MDGA2: variants seen among roughly 807,000 people sequenced by gnomAD.
MDGA2 encodes MAM domain containing glycosylphosphatidylinositol anchor 2, also known as MAM domain-containing glycosylphosphatidylinositol anchor protein 2.
MDGA2 carries 40 observed loss-of-function variants against 117.8 expected under a neutral mutation model. The observed-to-expected ratio is 0.34, with a 90% confidence interval of 0.26 to 0.44. The LOEUF (loss-of-function observed/expected upper bound fraction) is 0.44. MDGA2 is among the 20% of genes least tolerant of loss of function. The pLI is 1.00. For missense variants in MDGA2, 1,123 were observed against 1,250.6 expected (o/e 0.90, Z 1.54); for synonymous variants, 452 against 439.0 (o/e 1.03, Z -0.37).
chr14:47,166,143 C>T (rs1883865463), intron 3 of MDGA2, among the ~76,000 whole-genome samples: 2 of 149,860 alleles, frequency 1.3e-5, no homozygotes, highest in African/African-American at 4.9e-5. Context: ...TCAAACGATT[C>T]TCCTGCCTCA....
At chr14:47,599,794 C>G (rs1024665012) in intron 1 of MDGA2, among the ~76,000 whole-genome samples, 1 of 152,176 alleles carries the variant, frequency 6.6e-6, no homozygotes, top group Non-Finnish European at 1.5e-5. Flanking sequence ...GGCTCGGAAT[C>G]AAGTCTACTG....
chr14:46,955,397 T>TTAAAATACG (rs1003252594), intron 9 of MDGA2, among the ~76,000 whole-genome samples: 5 of 152,066 alleles, frequency 3.3e-5, no homozygotes, highest in Non-Finnish European at 7.4e-5. Context: ...GACTTCACCA[T>TTAAAATACG]TAAAATACGA....
intron 5 of MDGA2, among the ~76,000 whole-genome samples, chr14:47,110,971 T>A (rs1881003791): frequency 6.6e-6 from 1 of 152,044 alleles, no homozygotes; most frequent in Non-Finnish European, 1.5e-5. Context: ...AAATCCTAAT[T>A]CAACATATAT....
intron 2 of MDGA2, among the ~76,000 whole-genome samples, chr14:47,252,483 T>A (rs1352851414): frequency 3.3e-5 from 5 of 152,158 alleles, no homozygotes; most frequent in Admixed American, 2.0e-4. Context: ...CCATTTTTCA[T>A]AATCTAGTAA....
At chr14:47,612,090 G>A (rs1049269454) in intron 1 of MDGA2, among the ~76,000 whole-genome samples, 7 of 152,066 alleles carry the variant, frequency 4.6e-5, no homozygotes, top group Admixed American at 2.0e-4. Flanking sequence ...GCAATACTTC[G>A]CAAGTTTCCA....
At chr14:47,450,836 T>C (rs1413520137) in intron 1 of MDGA2, among the ~76,000 whole-genome samples, 3 of 152,154 alleles carry the variant, frequency 2.0e-5, no homozygotes, top group Non-Finnish European at 2.9e-5. Flanking sequence ...TAAAGGTTAA[T>C]GAATAGAGAA....
At chr14:47,019,965 T>A in intron 8 of MDGA2, among the ~76,000 whole-genome samples, 1 of 152,310 alleles carries the variant, frequency 6.6e-6, no homozygotes, top group South Asian at 2.1e-4. Flanking sequence ...CATTTATATT[T>A]GTATTAGGTT....
chr14:47,349,473 T>C (rs1365051091), intron 1 of MDGA2, among the ~76,000 whole-genome samples: 1 of 152,218 alleles, frequency 6.6e-6, no homozygotes, highest in African/African-American at 2.4e-5. Context: ...TATCTTCAAA[T>C]GCAAATTAGT....
At chr14:47,667,803 C>T (rs1170316601) in intron 1 of MDGA2, among the ~76,000 whole-genome samples, 3 of 152,128 alleles carry the variant, frequency 2.0e-5, no homozygotes, top group African/African-American at 7.2e-5. Context: ...CCACCATTCA[C>T]ATTACAACAA....
At chr14:47,454,941 A>T (rs572939745) in intron 1 of MDGA2, among the ~76,000 whole-genome samples, 1 of 152,360 alleles carries the variant, frequency 6.6e-6, no homozygotes, top group East Asian at 1.9e-4. Flanking sequence ...TCACAAATGA[A>T]CACTAATAAC....
At chr14:47,446,635 G>C (rs1893128525) in intron 1 of MDGA2, among the ~76,000 whole-genome samples, 1 of 152,016 alleles carries the variant, frequency 6.6e-6, no homozygotes, top group Non-Finnish European at 1.5e-5. Flanking sequence ...TTGCAAGACT[G>C]AAGTTTACAT....
chr14:47,665,239 T>C (rs1271529741), intron 1 of MDGA2, among the ~76,000 whole-genome samples: 3 of 152,190 alleles, frequency 2.0e-5, no homozygotes, highest in Non-Finnish European at 2.9e-5. Flanking sequence ...CAATAGGAAA[T>C]GTAATTCCTC....
intron 8 of MDGA2, among the ~76,000 whole-genome samples, chr14:47,025,678 C>T (rs895273625): frequency 9.5e-5 from 14 of 147,138 alleles, no homozygotes; most frequent in African/African-American, 3.3e-4. Flanking sequence ...AAACACCATA[C>T]AATAAACAAG....
chr14:47,256,285 G>A (rs1887616477), intron 2 of MDGA2, among the ~76,000 whole-genome samples: 1 of 151,896 alleles, frequency 6.6e-6, no homozygotes, highest in Non-Finnish European at 1.5e-5. Context: ...TTACATCATA[G>A]GAGTATCAAT....
intron 3 of MDGA2, among the ~76,000 whole-genome samples, chr14:47,214,958 C>T (rs895943271): frequency 1.3e-5 from 2 of 152,044 alleles, no homozygotes; most frequent in Non-Finnish European, 2.9e-5. Flanking sequence ...ATTCTAACAT[C>T]ATTAATTATT....
rs372721215 is a variant in MDGA2 at position 47,181,229 on chromosome 14, T to C, written c.595+36792A>G. Among the ~76,000 whole-genome samples the C allele has an allele frequency of 1.4e-3, 211 of 152,240 alleles. 2 individuals carry two copies. Among genetic ancestry groups the C allele is most frequent in the African/African-American group, 4.2e-3 (174 of 41,554 alleles). ...GGTGTTTGTCCTATTGCTCTCCCTC[T>C]CCTTGTCCCCCACCTCCCAATAGAC... On this transcript the variant is annotated intron_variant, in intron 3 of 16. Transcript: ENST00000399232.
intron 1 of MDGA2, among the ~76,000 whole-genome samples, chr14:47,455,683 A>C (rs1394126766): frequency 6.6e-6 from 1 of 152,104 alleles, no homozygotes; most frequent in Non-Finnish European, 1.5e-5. Context: ...GTGAATGTAA[A>C]TTGAAGGTTA....
At chr14:47,615,105 GTAT>G (rs61325731) in intron 1 of MDGA2, among the ~76,000 whole-genome samples, 4,174 of 151,114 alleles carry the variant, frequency 0.028, 112 homozygotes, top group African/African-American at 0.071. Context: ...TCCTGATGTG[GTAT>G]TATTATTATT....
intron 1 of MDGA2, among the ~76,000 whole-genome samples, chr14:47,304,260 G>C (rs917118677): frequency 6.6e-6 from 1 of 152,112 alleles, no homozygotes; most frequent in Admixed American, 6.6e-5. Context: ...TTCCCGATTA[G>C]GAAAGAAAAG....
Sources: allele counts gnomAD v4.1 joint callset (sites outside exome capture counted in the v4.1 genomes callset), GRCh38; gene constraint gnomAD v4.1.1; transcripts MANE v1.5; gene names NCBI Gene and HGNC (gene_info 2026-07-23, HGNC 2026-07-21).